Variants in NECAB1 observed in about 807,000 individuals in gnomAD.
The protein encoded by NECAB1 is N-terminal EF-hand calcium-binding protein 1.
NECAB1 carries 29 observed loss-of-function variants against 57.5 expected under a neutral mutation model. The observed-to-expected ratio is 0.50, with a 90% CI of 0.38 to 0.69. The LOEUF (loss-of-function observed/expected upper bound fraction) is 0.69, where lower values mean the gene tolerates loss of function less well. Among genes scored for constraint, NECAB1 ranks in the 30% least tolerant of loss-of-function variants. The pLI, the probability that NECAB1 is intolerant of heterozygous loss-of-function variation, is 0.00. For missense variants in NECAB1, 372 were observed against 413.8 expected, an observed-to-expected ratio of 0.90 and a Z score of 0.88; for synonymous variants, 142 against 147.7, an observed-to-expected ratio of 0.96 and a Z score of 0.28.
At chr8:90,823,836 T>C (rs75827469) in intron 2 of NECAB1, among the ~76,000 whole-genome samples, 1,722 of 151,948 alleles carry the variant, frequency 0.011, 24 homozygotes, top group African/African-American at 0.03. Context: ...AAAAACTAGC[T>C]CCCTGCACAG....
chr8:90,950,963 C>T (rs1328463554), intron 11 of NECAB1, 150 bp from the exon 12 acceptor site: 1 of 399,866 alleles, frequency 2.5e-6, no homozygotes, highest in Non-Finnish European at 4.4e-6. Context: ...TTTTTGAAAG[C>T]TGAACAACCA....
chr8:90,922,485 G>GTTT (rs1586127873), intron 6 of NECAB1, among the ~76,000 whole-genome samples: 2 of 65,218 alleles, frequency 3.1e-5, no homozygotes, highest in Admixed American at 2.3e-4. Context: ...CAAAAACTTG[G>GTTT]ATTTTTTTTT....
At chr8:90,819,972 TA>T (rs151261725) in intron 2 of NECAB1, among the ~76,000 whole-genome samples, 1 of 151,948 alleles carries the variant, frequency 6.6e-6, no homozygotes, top group Non-Finnish European at 1.5e-5. Flanking sequence ...TTTCTGGAGG[TA>T]AAACCCACCA....
At chr8:90,902,256 G>A (rs1809522319) in intron 5 of NECAB1, among the ~76,000 whole-genome samples, 1 of 151,986 alleles carries the variant, frequency 6.6e-6, no homozygotes, top group Non-Finnish European at 1.5e-5. Context: ...CCTGCCTCTA[G>A]TAAAAATACA....
intron 12 of NECAB1, among the ~76,000 whole-genome samples, chr8:90,953,705 A>G (rs1439562088): frequency 6.6e-6 from 1 of 152,218 alleles, no homozygotes; most frequent in Non-Finnish European, 1.5e-5. Flanking sequence ...TAATGGCCAT[A>G]TAACTTCTAA....
At chr8:90,925,496 C>G in intron 6 of NECAB1, 39 bp from the exon 7 acceptor site, 2 of 1,601,130 alleles carry the variant, frequency 1.2e-6, no homozygotes, top group East Asian at 2.3e-5. Flanking sequence ...GAGACTGAAG[C>G]ACTAACATTA....
chr8:90,818,243 G>A (rs1459231292), intron 2 of NECAB1, among the ~76,000 whole-genome samples: 2 of 151,618 alleles, frequency 1.3e-5, no homozygotes, highest in Non-Finnish European at 2.9e-5. Flanking sequence ...TCATATTTTA[G>A]TTCTGTTTAT....
intron 5 of NECAB1, among the ~76,000 whole-genome samples, chr8:90,904,722 C>G (rs1411951318): frequency 6.6e-6 from 1 of 151,968 alleles, no homozygotes; most frequent in Non-Finnish European, 1.5e-5. Context: ...AATTGTATAT[C>G]TATAAACCAA....
intron 5 of NECAB1, among the ~76,000 whole-genome samples, chr8:90,906,887 A>ATG (rs199604237): frequency 0.34 from 41,615 of 121,454 alleles, 8,002 homozygotes; most frequent in East Asian, 0.67. Context: ...ATATATATAT[A>ATG]TATATATATA....
At chr8:90,937,090 C>G (rs576994204) in intron 9 of NECAB1, among the ~76,000 whole-genome samples, 1 of 152,130 alleles carries the variant, frequency 6.6e-6, no homozygotes, top group African/African-American at 2.4e-5. Flanking sequence ...GATGAAAGAG[C>G]ACCTAACAAT....
intron 10 of NECAB1, among the ~76,000 whole-genome samples, chr8:90,941,226 A>G (rs1810663106): frequency 6.6e-6 from 1 of 152,200 alleles, no homozygotes. Context: ...GGCAGCCCAC[A>G]CTCTGATTTA....
chr8:90,841,194 A>G (rs1169388601), intron 3 of NECAB1, among the ~76,000 whole-genome samples: 2 of 151,632 alleles, frequency 1.3e-5, no homozygotes. Flanking sequence ...TGGGAGGCGG[A>G]GCTTGCAGTG....
intron 3 of NECAB1, among the ~76,000 whole-genome samples, chr8:90,827,905 T>G (rs1358375625): frequency 1.3e-5 from 2 of 151,952 alleles, no homozygotes; most frequent in Non-Finnish European, 2.9e-5. Context: ...TAAGTTGCTT[T>G]TAAATGAACA....
intron 3 of NECAB1, among the ~76,000 whole-genome samples, chr8:90,826,665 C>T (rs1192889943): frequency 1.3e-5 from 2 of 151,610 alleles, no homozygotes; most frequent in Non-Finnish European, 2.9e-5. Flanking sequence ...CATAATAGTT[C>T]CAGAATTGGG....
intron 5 of NECAB1, among the ~76,000 whole-genome samples, chr8:90,894,820 A>T (rs1586096530): frequency 6.6e-6 from 1 of 152,246 alleles, no homozygotes; most frequent in South Asian, 2.1e-4. Context: ...AAAATTTGGA[A>T]TGTTGACCCT....
intron 5 of NECAB1, among the ~76,000 whole-genome samples, chr8:90,895,539 T>C (rs1214703106): frequency 1.3e-5 from 2 of 152,218 alleles, no homozygotes; most frequent in African/African-American, 4.8e-5. Flanking sequence ...AGGAATATAA[T>C]AGGAAACAAA....
At chr8:90,828,131 G>GTTTTTTTTTTTTTTT (rs397961666) in intron 3 of NECAB1, among the ~76,000 whole-genome samples, 2 of 143,498 alleles carry the variant, frequency 1.4e-5, no homozygotes, top group Non-Finnish European at 1.5e-5. Context: ...GTTCACTGCA[G>GTTTTTTTTTTTTTTT]TTTTTTTTTT....
intron 2 of NECAB1, 84 bp downstream of exon 2, chr8:90,801,799 C>G (rs1811763096): frequency 1.0e-6 from 1 of 954,098 alleles, no homozygotes; most frequent in African/African-American, 1.7e-5. Context: ...AAAAAGGGGA[C>G]AGTCCGGGAA....
At chr8:90,941,544 AAC>A (rs1205331886) in intron 10 of NECAB1, among the ~76,000 whole-genome samples, 2 of 152,214 alleles carry the variant, frequency 1.3e-5, no homozygotes, top group African/African-American at 4.8e-5. Context: ...ATTTTCTGGA[AAC>A]AGTTATCATA....
Sources: allele counts gnomAD v4.1 joint callset (sites outside exome capture counted in the v4.1 genomes callset), GRCh38; gene constraint gnomAD v4.1.1; transcripts MANE v1.5; gene names NCBI Gene and HGNC (gene_info 2026-07-23, HGNC 2026-07-21).